The following ETNK1 variants were observed in gnomAD, a reference collection of about 807,000 sequenced individuals.
The protein encoded by ETNK1 is ethanolamine kinase 1, also known as putative protein product of Nbla10396.
ETNK1 carries 8 observed loss-of-function variants against 45.1 expected under a neutral mutation model. The ratio of observed to expected loss-of-function variants is 0.18; its 90% CI spans 0.10 to 0.32. The LOEUF (loss-of-function observed/expected upper bound fraction) is 0.32. Among genes scored for constraint, ETNK1 ranks in the 10% least tolerant of loss-of-function variants. ETNK1 has a pLI of 1.00. For synonymous variants in ETNK1, 152 were observed against 151.9 expected (o/e 1.00, Z -0.01); for missense variants, 302 against 430.6 (o/e 0.70, Z 2.64).
At chr12:22,653,075 C>T (rs1953898399) in intron 2 of ETNK1, among the ~76,000 whole-genome samples, 1 of 152,092 alleles carries the variant, frequency 6.6e-6, no homozygotes, top group South Asian at 2.1e-4. Context: ...TTTCCCAGTA[C>T]ATTTTGTTGT....
At position 22,644,272 on chromosome 12, in the gene ETNK1, A is replaced by G. The variant is rs748569769; in HGVS notation, c.416+250A>G. 8.7e-6 allele frequency: 14 copies of G among 1,608,596 alleles called. No individual in the cohort carries two copies. The East Asian group carries it at 2.9e-4, about 33-fold the overall frequency. The stretch of plus-strand genomic sequence containing the variant: ...AAGATGTTTTGGATTAACCGGCTGC[A>G]GAGGGTCAAGGCTTCTGCTTAGTTT... On this transcript the variant is annotated intron_variant, in intron 2 of 7. Coordinates refer to ENST00000266517, the MANE Select transcript of ETNK1 (RefSeq NM_018638.5).
At chr12:22,656,858 A>G in intron 2 of ETNK1, 1 of 929,974 alleles carries the variant, frequency 1.1e-6, no homozygotes, top group Non-Finnish European at 1.3e-6. Flanking sequence ...GTTTCATTTC[A>G]GTAAATATTT....
chr12:22,664,487 A>G (rs1954035507), intron 4 of ETNK1, among the ~76,000 whole-genome samples: 1 of 152,120 alleles, frequency 6.6e-6, no homozygotes, highest in Non-Finnish European at 1.5e-5. Context: ...CAAGGCACAC[A>G]TACTATGAGC....
intron 2 of ETNK1, among the ~76,000 whole-genome samples, chr12:22,653,894 A>T (rs909758564): frequency 1.1e-4 from 16 of 152,344 alleles, no homozygotes; most frequent in Admixed American, 7.2e-4. Context: ...GGTGGCTGCC[A>T]TGGTTACAAT....
intron 6 of ETNK1, among the ~76,000 whole-genome samples, chr12:22,680,125 CAGTATTCCCT>C (rs1311167173): frequency 2.6e-5 from 4 of 152,158 alleles, no homozygotes; most frequent in Non-Finnish European, 5.9e-5. Flanking sequence ...TACATGTTAA[CAGTATTCCCT>C]AGTGTTCTGA....
rs190440442 is a variant in ETNK1, at chr12:22,659,103, A to G, written c.506A>G (p.Lys169Arg). Residue 169 changes from lysine to arginine, a missense_variant, in exon 3 of 8, where the codon AAG (lysine) becomes AGG (arginine). Transcript: ENST00000266517. ...PKSNLWLKMG[K>R]YFSLIPTGFA... Reference sequence around the variant, plus strand: ...TCTAATCTTTGGCTAAAGATGGGAAAGTATTTCTCTCTCATTCCCACAGGA... The same window carrying G: ...TCTAATCTTTGGCTAAAGATGGGAAGGTATTTCTCTCTCATTCCCACAGGA... 8.1e-6 allele frequency: 13 copies of G among 1,613,836 alleles called. No individual in the cohort carries two copies. In the African/African-American group the frequency reaches 1.1e-4, roughly 13 times the overall value.
chr12:22,681,378 G>A (rs1009443953), intron 6 of ETNK1, among the ~76,000 whole-genome samples: 6 of 151,904 alleles, frequency 3.9e-5, no homozygotes, highest in Middle Eastern at 3.2e-3. Flanking sequence ...TTAAAATGCA[G>A]AATGACTCTT....
chr12:22,671,712 G>A (rs533417183), intron 5 of ETNK1, among the ~76,000 whole-genome samples: 18 of 151,844 alleles, frequency 1.2e-4, no homozygotes, highest in East Asian at 1.2e-3. Flanking sequence ...GGTGGTGGGC[G>A]CCTGTAGTCC....
At chr12:22,662,242 ATT>A (rs774396641) in intron 4 of ETNK1, among the ~76,000 whole-genome samples, 23 of 73,402 alleles carry the variant, frequency 3.1e-4, no homozygotes, top group African/African-American at 8.2e-4. Context: ...TAATTTTTGT[ATT>A]TTTTTTTTTT....
chr12:22,657,991 T>A (rs942365454), intron 2 of ETNK1, among the ~76,000 whole-genome samples: 3 of 152,220 alleles, frequency 2.0e-5, no homozygotes, highest in Admixed American at 6.5e-5. Context: ...TTCAAATGTT[T>A]TTGCATATTA....
chr12:22,660,808 G>A (rs1363161974), intron 3 of ETNK1, among the ~76,000 whole-genome samples: 5 of 151,888 alleles, frequency 3.3e-5, no homozygotes, highest in Non-Finnish European at 7.4e-5. Flanking sequence ...ATATTACTTA[G>A]AAACCCAAGT....
chr12:22,638,917 A>G (rs543763915), intron 1 of ETNK1: 2 of 152,128 alleles, frequency 1.3e-5, no homozygotes, highest in Non-Finnish European at 2.9e-5. Context: ...AAACATAAAA[A>G]GTTATTTTTT....
intron 2 of ETNK1, among the ~76,000 whole-genome samples, chr12:22,657,749 C>T (rs1953959646): frequency 6.6e-6 from 1 of 152,100 alleles, no homozygotes; most frequent in South Asian, 2.1e-4. Context: ...CATATGTTCA[C>T]TTACTACTGA....
chr12:22,659,078 T>C lies in ETNK1; in HGVS notation c.481T>C (p.Ser161Pro). The C allele has an allele frequency of 3.1e-6, 5 of 1,613,960 alleles. No individual in the cohort carries two copies. Among genetic ancestry groups the C allele is most frequent in the Admixed American group, 1.7e-5 (1 of 59,998 alleles). ...TGCACACAATGGCTGGATCCCCAAA[T>C]CTAATCTTTGGCTAAAGATGGGAAA... ...IHAHNGWIPK[S>P]NLWLKMGKYF... The change falls in exon 3 of 8, where the codon TCT becomes CCT. Residue 161 changes from serine (S) to proline (P), a missense_variant. Ser to Pro is a moderately conservative substitution (Grantham distance 74, BLOSUM62 -1). Coordinates refer to ENST00000266517, the MANE Select transcript of ETNK1 (RefSeq NM_018638.5).
chr12:22,634,500 T>C (rs952016194), intron 1 of ETNK1, among the ~76,000 whole-genome samples: 1 of 152,152 alleles, frequency 6.6e-6, no homozygotes, highest in African/African-American at 2.4e-5. Context: ...ATGTTTAAGG[T>C]CTGTAGTGAA....
chr12:22,685,156 G>T lies in ETNK1; in HGVS notation c.*202G>T. The T allele has an allele frequency of 2.3e-6, 1 of 444,120 alleles. No individual in the cohort carries two copies. Among genetic ancestry groups the T allele is most frequent in the East Asian group, 3.5e-5 (1 of 28,780 alleles). The allele number at this position is 444,120 out of a possible 1,614,324, so 27.5% of individuals were successfully genotyped here. A position where few individuals can be genotyped will look rare whatever the true frequency, so the allele number is the denominator to read the frequency against. ...ATATACCTACTGCTATCCGTATGTG[G>T]TGGATTAGAAATGTGTTAAATCTGC... On this transcript the variant is annotated 3_prime_UTR_variant, in exon 8 of 8. Transcript: ENST00000266517.
At chr12:22,632,658 A>C (rs931556997) in intron 1 of ETNK1, among the ~76,000 whole-genome samples, 4 of 151,948 alleles carry the variant, frequency 2.6e-5, no homozygotes, top group Non-Finnish European at 5.9e-5. Context: ...CTAAAGGTGC[A>C]TGCCTGCCTA....
At chr12:22,684,706 T>TG in intron 7 of ETNK1, 150 bp downstream of exon 7, 1 of 749,432 alleles carries the variant, frequency 1.3e-6, no homozygotes, top group Non-Finnish European at 2.2e-6. Context: ...TGCTATAAGC[T>TG]GTTAAGTGCT....
At chr12:22,655,726 G>T (rs1041821929) in intron 2 of ETNK1, among the ~76,000 whole-genome samples, 2 of 152,146 alleles carry the variant, frequency 1.3e-5, no homozygotes, top group African/African-American at 4.8e-5. Context: ...TTTTGTAGAT[G>T]TTAATTTTTT....
Sources: gnomAD v4.1 joint callset for allele counts (sites outside exome capture counted in the v4.1 genomes callset) on GRCh38, gnomAD v4.1.1 for gene constraint, MANE v1.5 for transcripts, NCBI Gene and HGNC (gene_info 2026-07-23, HGNC 2026-07-21) for gene names.